CTIF: variants seen among roughly 807,000 people sequenced by gnomAD.
The protein encoded by CTIF is cap binding complex dependent translation initiation factor.
A neutral mutation model predicts 66.0 loss-of-function variants in CTIF; 21 were observed. The observed-to-expected ratio is 0.32, with a 90% CI of 0.23 to 0.46. The LOEUF (loss-of-function observed/expected upper bound fraction) is 0.46, where lower values mean the gene tolerates loss of function less well. Ranked by LOEUF, CTIF falls within the 20% of genes least tolerant of loss-of-function variation. The pLI, the probability that CTIF is intolerant of heterozygous loss-of-function variation, is 1.00. For synonymous variants in CTIF, 345 were observed against 326.4 expected (o/e 1.06, Z -0.62); for missense variants, 739 against 812.7 (o/e 0.91, Z 1.10).
rs75662391 is a variant in CTIF, at chr18:48,844,504, C to A, written c.1528-13084C>A. Among the ~76,000 whole-genome samples, 107 of 152,314 alleles carry A rather than the reference C, an allele frequency of 7.0e-4. 4 individuals are homozygous for A. The East Asian group carries it at 0.02, about 28-fold the overall frequency. On this transcript the variant is annotated intron_variant, in intron 10 of 11. Transcript: ENST00000256413. ...TGACATCCACTGTCGCTACTTTGTA[C>A]GGGGTGGTTTGCAAGCCCGGCAGGA...
At chr18:48,800,186 A>G (rs1028598913) in intron 9 of CTIF, among the ~76,000 whole-genome samples, 41 of 152,356 alleles carry the variant, frequency 2.7e-4, no homozygotes, top group Admixed American at 1.9e-3. Context: ...CCACTCTACC[A>G]GTATTTCACA....
Position 48,792,367 on chromosome 18 carries a change from G to A in CTIF, c.1372-24854G>A, listed in dbSNP as rs937917557. 3.3e-5 allele frequency among the ~76,000 whole-genome samples: 5 copies of A among 152,170 alleles called. 1 individual carries two copies. Among genetic ancestry groups the A allele is most frequent in the African/African-American group, 1.2e-4 (5 of 41,446 alleles). On this transcript the variant is annotated intron_variant, in intron 9 of 11. Transcript: ENST00000256413. ...ATGCTGGGATCTATAGGCTCACAAGGACGAGATTAGCTCTGAGAGGGGTGG... is the reference window on the plus strand; with the variant it reads ...ATGCTGGGATCTATAGGCTCACAAGAACGAGATTAGCTCTGAGAGGGGTGG...
intron 10 of CTIF, among the ~76,000 whole-genome samples, chr18:48,841,732 G>A (rs1032805894): frequency 4.6e-5 from 7 of 152,092 alleles, no homozygotes; most frequent in African/African-American, 1.7e-4. Flanking sequence ...CCTGGGAAGC[G>A]CTCACTGTCT....
intron 7 of CTIF, among the ~76,000 whole-genome samples, chr18:48,731,124 C>T (rs1228548445): frequency 6.6e-6 from 1 of 152,076 alleles, no homozygotes; most frequent in Non-Finnish European, 1.5e-5. Context: ...CCTTTGGGTG[C>T]TCAGGAAATG....
chr18:48,619,613 C>G lies in CTIF; in HGVS notation c.48C>G (p.Ser16Arg). The change falls in exon 2 of 12, where the codon AGC (serine) becomes AGG (arginine). Residue 16 changes from serine to arginine, a missense_variant. Physicochemically the swap from Ser to Arg is moderately radical, Grantham distance 110. This residue lies in a region of CTIF where 529 missense variants were observed against 520.3 expected (regional missense o/e 1.02). Coordinates refer to ENST00000256413, the MANE Select transcript of CTIF (RefSeq NM_014772.3). ...CAGCCTCCTCGGAGGCAGGGAGCAG[C>G]CGCTCCCAGGAGATCGAGGAGCTGG... ...AASASSEAGS[S>R]RSQEIEELER... 2.5e-6 allele frequency: 4 copies of G among 1,602,422 alleles called. No individual in the cohort carries two copies. The highest frequency in any genetic ancestry group is 3.4e-6 in the Non-Finnish European group (4 of 1,174,800).
chr18:48,638,526 G>C (rs1391811635), intron 3 of CTIF, among the ~76,000 whole-genome samples: 2 of 151,974 alleles, frequency 1.3e-5, no homozygotes, highest in Non-Finnish European at 2.9e-5. Context: ...GCACCCAGCT[G>C]TCCTCTCGGG....
intron 10 of CTIF, among the ~76,000 whole-genome samples, chr18:48,855,597 C>T (rs766529100): frequency 1.1e-4 from 17 of 152,150 alleles, no homozygotes; most frequent in East Asian, 1.9e-4. Flanking sequence ...GGGACAGTAG[C>T]GTGGGCTGTG....
intron 1 of CTIF, among the ~76,000 whole-genome samples, chr18:48,578,053 A>T (rs1054464051): frequency 6.6e-6 from 1 of 152,224 alleles, no homozygotes; most frequent in Non-Finnish European, 1.5e-5. Context: ...TGGACATTTT[A>T]TAAACATGGA....
chr18:48,664,050 G>A (rs889993703), intron 4 of CTIF, among the ~76,000 whole-genome samples: 10 of 152,186 alleles, frequency 6.6e-5, no homozygotes, highest in African/African-American at 2.2e-4. Context: ...GGCTGCAGAG[G>A]CTGGGCCCCG....
chr18:48,636,705 C>G lies in CTIF; in HGVS notation c.252+20C>G, dbSNP rs370781038. On this transcript the variant is annotated intron_variant, in intron 3 of 11. Transcript: ENST00000256413. ...CAGCAGGTAGGGAACCAGCTCTGCGCTCTGTCTGGGGGTGTCCTATGTCTT... is the reference window on the plus strand; with the variant it reads ...CAGCAGGTAGGGAACCAGCTCTGCGGTCTGTCTGGGGGTGTCCTATGTCTT... The G allele has an allele frequency of 1.2e-5, 19 of 1,574,862 alleles. No homozygotes were observed. The highest frequency in any genetic ancestry group is 1.8e-5 in the Admixed American group (1 of 54,312).
At chr18:48,727,070 G>GCACACACACACACACA (rs35188197) in intron 7 of CTIF, among the ~76,000 whole-genome samples, 12 of 144,488 alleles carry the variant, frequency 8.3e-5, no homozygotes, top group African/African-American at 3.1e-4. Flanking sequence ...CAAGTTAGCT[G>GCACACACACACACACA]CACACACACA....
At chr18:48,840,043 C>T (rs905826583) in intron 10 of CTIF, among the ~76,000 whole-genome samples, 10 of 152,168 alleles carry the variant, frequency 6.6e-5, no homozygotes, top group African/African-American at 2.4e-4. Context: ...AACAGTTGCT[C>T]CCAGGCTGGG....
At chr18:48,707,549 C>T (rs559286211) in intron 6 of CTIF, among the ~76,000 whole-genome samples, 1 of 151,762 alleles carries the variant, frequency 6.6e-6, no homozygotes, top group South Asian at 2.1e-4. Context: ...TCCTTGTCCT[C>T]CTCTTCTTCT....
intron 1 of CTIF, chr18:48,565,539 GA>G (rs2089261393): frequency 6.6e-6 from 1 of 152,110 alleles, no homozygotes; most frequent in Admixed American, 6.5e-5. Context: ...CACATCCTCT[GA>G]CCCTCCATCT....
At chr18:48,616,343 CT>C (rs1202770101) in intron 1 of CTIF, among the ~76,000 whole-genome samples, 1 of 152,208 alleles carries the variant, frequency 6.6e-6, no homozygotes, top group Non-Finnish European at 1.5e-5. Context: ...ACGGAGCCTG[CT>C]TGGGGCCAGC....
chr18:48,582,729 G>A (rs1039572165), intron 1 of CTIF, among the ~76,000 whole-genome samples: 5 of 152,116 alleles, frequency 3.3e-5, no homozygotes, highest in African/African-American at 1.2e-4. Context: ...GCTGCTCTGC[G>A]CTAATAAACG....
At chr18:48,596,282 G>A (rs1043998226) in intron 1 of CTIF, among the ~76,000 whole-genome samples, 5 of 152,132 alleles carry the variant, frequency 3.3e-5, no homozygotes, top group Admixed American at 6.5e-5. Flanking sequence ...TGATCACAGG[G>A]GCCCAAGCTC....
chr18:48,791,623 G>A (rs75412454), intron 9 of CTIF, among the ~76,000 whole-genome samples: 4,882 of 152,240 alleles, frequency 0.032, 130 homozygotes, highest in Non-Finnish European at 0.052. Context: ...GACCCTGAGG[G>A]CCAGCACCTC....
chr18:48,699,182 T>G (rs960680219), intron 6 of CTIF, among the ~76,000 whole-genome samples: 3 of 152,152 alleles, frequency 2.0e-5, no homozygotes, highest in African/African-American at 7.2e-5. Context: ...ACCCAGTGTC[T>G]CAGTCGAGTT....
Sources: allele counts gnomAD v4.1 joint callset (sites outside exome capture counted in the v4.1 genomes callset), GRCh38; gene constraint gnomAD v4.1.1; regional missense constraint gnomAD v4.1.1; transcripts MANE v1.5; gene names NCBI Gene and HGNC (gene_info 2026-07-23, HGNC 2026-07-21).